Variants in GOLPH3 observed in about 807,000 individuals in gnomAD.
GOLPH3 encodes the protein coat protein GPP34.
Under a neutral mutation model 28.5 loss-of-function variants are expected in GOLPH3, and 14 were observed. The ratio of observed to expected loss-of-function variants is 0.49; its 90% CI spans 0.32 to 0.77. The LOEUF (loss-of-function observed/expected upper bound fraction) is 0.77, where lower values mean the gene tolerates loss of function less well. GOLPH3 is among the 30% of genes least tolerant of loss of function. The pLI is 0.03. For synonymous variants in GOLPH3, 158 were observed against 159.2 expected (o/e 0.99, Z 0.06); for missense variants, 350 against 393.7 (o/e 0.89, Z 0.94).
chr5:32,147,659 G>C (rs1746208157), intron 1 of GOLPH3, among the ~76,000 whole-genome samples: 1 of 152,104 alleles, frequency 6.6e-6, no homozygotes, highest in African/African-American at 2.4e-5. Flanking sequence ...AAGGAGATAA[G>C]TAAGGTTTTC....
At position 32,153,700 on chromosome 5, in the gene GOLPH3, T is replaced by TA. The variant is rs1181951757; in HGVS notation, c.226-9821dup. On this transcript the variant is annotated intron_variant, in intron 1 of 3. Transcript: ENST00000265070. Reference sequence around the variant, plus strand: ...TAAATATAAAACCCAGTAAGTTAAATAAAAATCTATAATGTTAAACTTGAA... The same window carrying TA: ...TAAATATAAAACCCAGTAAGTTAAATAAAAAATCTATAATGTTAAACTTGAA... Among the ~76,000 whole-genome samples, 10 of 152,330 alleles carry TA rather than the reference T, an allele frequency of 6.6e-5. No individual in the cohort carries two copies. The East Asian group carries it at 1.9e-3, about 29-fold the overall frequency.
At chr5:32,136,067 C>T (rs913186559) in intron 2 of GOLPH3, among the ~76,000 whole-genome samples, 2 of 152,020 alleles carry the variant, frequency 1.3e-5, no homozygotes, top group African/African-American at 4.8e-5. Context: ...CCCAGCTACT[C>T]GGGTAGCTGA....
chr5:32,171,670 G>A (rs1329267597), intron 1 of GOLPH3, among the ~76,000 whole-genome samples: 2 of 151,766 alleles, frequency 1.3e-5, no homozygotes, highest in African/African-American at 2.4e-5. Context: ...GTTTATGGCC[G>A]GGCGTGGTGG....
intron 1 of GOLPH3, among the ~76,000 whole-genome samples, chr5:32,166,069 T>C (rs1746702435): frequency 6.6e-6 from 1 of 152,198 alleles, no homozygotes; most frequent in Non-Finnish European, 1.5e-5. Flanking sequence ...CTGTCCTCTT[T>C]CCCCAAGAAA....
intron 1 of GOLPH3, among the ~76,000 whole-genome samples, chr5:32,156,109 G>C (rs1746420082): frequency 6.6e-6 from 1 of 151,684 alleles, no homozygotes; most frequent in African/African-American, 2.4e-5. Context: ...ATGCCCTTCT[G>C]CCATGTGAGG....
intron 1 of GOLPH3, among the ~76,000 whole-genome samples, chr5:32,158,429 A>C (rs1306495091): frequency 6.6e-6 from 1 of 152,130 alleles, no homozygotes; most frequent in African/African-American, 2.4e-5. Flanking sequence ...AAATACCTTA[A>C]ATCTCTAACA....
intron 1 of GOLPH3, among the ~76,000 whole-genome samples, chr5:32,172,261 T>C (rs561420794): frequency 6.6e-6 from 1 of 152,050 alleles, no homozygotes; most frequent in African/African-American, 2.4e-5. Context: ...GTTAGTTCAT[T>C]AGATTTCTAA....
chr5:32,140,082 TGAAA>T (rs1423521191), intron 2 of GOLPH3, among the ~76,000 whole-genome samples: 1 of 151,806 alleles, frequency 6.6e-6, no homozygotes, highest in Non-Finnish European at 1.5e-5. Context: ...ATTTCTAGAC[TGAAA>T]AAATTAATGC....
intron 1 of GOLPH3, among the ~76,000 whole-genome samples, chr5:32,172,126 A>G (rs572710615): frequency 3.3e-5 from 5 of 152,274 alleles, no homozygotes; most frequent in Non-Finnish European, 7.4e-5. Context: ...CAATAATTAA[A>G]CAGGTACAGC....
chr5:32,141,724 G>A lies in GOLPH3; in HGVS notation c.357+2025C>T, dbSNP rs574587715. ...CTGCCTGATTCTCCTGCCTCAGCTAGCCGAGTGCCTGCGATTGCAGGCGCG... is the reference window on the plus strand; with the variant it reads ...CTGCCTGATTCTCCTGCCTCAGCTAACCGAGTGCCTGCGATTGCAGGCGCG... On this transcript the variant is annotated intron_variant, in intron 2 of 3. Transcript: ENST00000265070. 4.6e-5 allele frequency among the ~76,000 whole-genome samples: 7 copies of A among 152,270 alleles called. No individual in the cohort carries two copies. The South Asian group carries it at 1.5e-3, about 32-fold the overall frequency.
At position 32,125,376 on chromosome 5, in the gene GOLPH3, G is replaced by A. The variant is rs1200524362; in HGVS notation, c.*836C>T. 5 of 152,604 alleles carry A rather than the reference G, an allele frequency of 3.3e-5. No individual in the cohort carries two copies. Among genetic ancestry groups the A allele is most frequent in the Non-Finnish European group, 7.3e-5 (5 of 68,048 alleles). The allele number at this position is 152,604 out of a possible 1,614,324, so 9.5% of individuals were successfully genotyped here. On this transcript the variant is annotated 3_prime_UTR_variant, in exon 4 of 4. Coordinates refer to ENST00000265070, the MANE Select transcript of GOLPH3 (RefSeq NM_022130.4). Reference sequence around the variant, plus strand: ...AATGGCACAGCTCAAAAAATCCCAGGACCAATCAGACACACATCTTTTCTC... The same window carrying A: ...AATGGCACAGCTCAAAAAATCCCAGAACCAATCAGACACACATCTTTTCTC...
chr5:32,154,140 A>G (rs1746367144), intron 1 of GOLPH3, among the ~76,000 whole-genome samples: 1 of 152,228 alleles, frequency 6.6e-6, no homozygotes, highest in African/African-American at 2.4e-5. Flanking sequence ...GAATATATAT[A>G]AAACCGCAAG....
chr5:32,151,604 T>C (rs1173958549), intron 1 of GOLPH3, among the ~76,000 whole-genome samples: 1 of 152,176 alleles, frequency 6.6e-6, no homozygotes. Context: ...TACCAAAAGA[T>C]GCTTTGTCAT....
chr5:32,130,413 T>A (rs1223417084), intron 3 of GOLPH3, among the ~76,000 whole-genome samples: 1 of 151,816 alleles, frequency 6.6e-6, no homozygotes, highest in Non-Finnish European at 1.5e-5. Flanking sequence ...AAAGAATAAT[T>A]TGTTGTTATC....
intron 1 of GOLPH3, among the ~76,000 whole-genome samples, chr5:32,158,010 TAAATAAATAAAATACACACACAC>T (rs1561678470): frequency 1.5e-4 from 11 of 75,614 alleles, no homozygotes; most frequent in African/African-American, 5.6e-4. Flanking sequence ...AATAAATAAA[TAAATAAATAAAATACACACACAC>T]ACACACACAC....
At chr5:32,162,945 G>A (rs1164192540) in intron 1 of GOLPH3, among the ~76,000 whole-genome samples, 15 of 152,158 alleles carry the variant, frequency 9.9e-5, no homozygotes, top group Non-Finnish European at 1.6e-4. Flanking sequence ...GGGTGTGGTG[G>A]CAGGCGCCTG....
chr5:32,140,324 T>A (rs1401098665), intron 2 of GOLPH3, among the ~76,000 whole-genome samples: 1 of 151,846 alleles, frequency 6.6e-6, no homozygotes, highest in Admixed American at 6.6e-5. Context: ...GGCAATAAAG[T>A]AAGACCTTAT....
intron 1 of GOLPH3, among the ~76,000 whole-genome samples, chr5:32,162,443 G>T (rs1288370588): frequency 6.6e-6 from 1 of 151,084 alleles, no homozygotes; most frequent in Admixed American, 6.6e-5. Flanking sequence ...GGTGAGCAGA[G>T]ATTGGGCCAC....
chr5:32,137,906 T>G (rs1221693364), intron 2 of GOLPH3, among the ~76,000 whole-genome samples: 2 of 6,858 alleles, frequency 2.9e-4, no homozygotes, highest in African/African-American at 7.2e-4. Context: ...TACGGTTTTT[T>G]TTGTTTTTTT....
Sources: gnomAD v4.1 joint callset for allele counts (sites outside exome capture counted in the v4.1 genomes callset) on GRCh38, gnomAD v4.1.1 for gene constraint, MANE v1.5 for transcripts, NCBI Gene and HGNC (gene_info 2026-07-23, HGNC 2026-07-21) for gene names.